TIAM2: variants seen among roughly 807,000 people sequenced by gnomAD.
TIAM2 encodes TIAM Rac1 associated GEF 2.
A neutral mutation model predicts 152.9 loss-of-function variants in TIAM2; 80 were observed. The observed-to-expected ratio is 0.52, with a 90% CI of 0.44 to 0.63. The LOEUF is 0.63. Ranked by LOEUF, TIAM2 falls within the 30% of genes least tolerant of loss-of-function variation. TIAM2 has a pLI of 0.00. For synonymous variants in TIAM2, 804 were observed against 838.0 expected, an observed-to-expected ratio of 0.96 and a Z score of 0.70; for missense variants, 1,965 against 2,120.1, an observed-to-expected ratio of 0.93 and a Z score of 1.44.
At chr6:155,243,598 G>A (rs1174099759) in intron 16 of TIAM2, among the ~76,000 whole-genome samples, 1 of 152,130 alleles carries the variant, frequency 6.6e-6, no homozygotes, top group Non-Finnish European at 1.5e-5. Flanking sequence ...TGTAATGCTA[G>A]CACTTTGGGA....
chr6:155,059,288 GTGTGTC>G (rs1212286471), intron 1 of TIAM2, among the ~76,000 whole-genome samples: 98 of 64,704 alleles, frequency 1.5e-3, no homozygotes, highest in African/African-American at 4.2e-3. Flanking sequence ...CTTTCTGTGT[GTGTGTC>G]TGTGTGTGTG....
At chr6:155,190,394 A>G (rs1781168407) in intron 14 of TIAM2, among the ~76,000 whole-genome samples, 1 of 152,230 alleles carries the variant, frequency 6.6e-6, no homozygotes, top group Admixed American at 6.5e-5. Context: ...CTTCCTCAGC[A>G]CTGGGAAGCC....
chr6:155,209,301 T>C (rs1047292580), intron 14 of TIAM2, among the ~76,000 whole-genome samples: 2 of 152,082 alleles, frequency 1.3e-5, no homozygotes, highest in Non-Finnish European at 2.9e-5. Flanking sequence ...TCAAGAAGTA[T>C]GTGTTGAGCG....
At position 155,100,710 on chromosome 6, in the gene TIAM2, G is replaced by C. The variant is rs114777439; in HGVS notation, c.-118+10331G>C. Among the ~76,000 whole-genome samples, 476 of 152,254 alleles carry C rather than the reference G, an allele frequency of 3.1e-3. 2 individuals are homozygous for C. The highest frequency in any genetic ancestry group is 0.011 in the African/African-American group (459 of 41,548). Reference sequence around the variant, plus strand: ...CCTTGTGGAATTAACATTCTAAGAGGCAGACCTTATGTTAAACAATTTACA... The same window carrying C: ...CCTTGTGGAATTAACATTCTAAGAGCCAGACCTTATGTTAAACAATTTACA... On this transcript the variant is annotated intron_variant, in intron 2 of 26. Transcript: ENST00000682666.
chr6:155,163,278 G>T (rs77807823), intron 7 of TIAM2, among the ~76,000 whole-genome samples: 1 of 152,152 alleles, frequency 6.6e-6, no homozygotes, highest in Non-Finnish European at 1.5e-5. Context: ...TTGAGATTGC[G>T]CTCAACAGCT....
intron 1 of TIAM2, among the ~76,000 whole-genome samples, chr6:155,079,058 GT>G (rs1554228688): frequency 6.6e-6 from 1 of 150,832 alleles, no homozygotes; most frequent in South Asian, 2.1e-4. Flanking sequence ...GTTTATCTTT[GT>G]TTTTTTGTTT....
intron 2 of TIAM2, among the ~76,000 whole-genome samples, chr6:155,118,182 T>A (rs4870355): frequency 1.3e-5 from 2 of 151,834 alleles, no homozygotes; most frequent in Non-Finnish European, 2.9e-5. Flanking sequence ...TCCCTCAGCC[T>A]GCCTTTTCCC....
rs140011443 is a variant in TIAM2 at position 155,137,326 on chromosome 6, G to A, written c.1344G>A (p.Ala448=). 1.7e-5 allele frequency: 28 copies of A among 1,614,060 alleles called. No individual in the cohort carries two copies. Among genetic ancestry groups the A allele is most frequent in the African/African-American group, 5.3e-5 (4 of 74,922 alleles). The part of the protein sequence containing the change: ...ILSQRSESTH[A]IGSDPLRQNI... ...CTCAGAGAAGTGAATCCACACATGCGATTGGCAGCGATCCCCTCCGGCAGA... is the reference window on the plus strand; with the variant it reads ...CTCAGAGAAGTGAATCCACACATGCAATTGGCAGCGATCCCCTCCGGCAGA... Residue 448 remains alanine, a synonymous_variant, in exon 5 of 27, where the codon GCG becomes GCA. Coordinates refer to ENST00000682666, the MANE Select transcript of TIAM2 (RefSeq NM_012454.4).
At chr6:155,074,897 A>G (rs1338246688) in intron 1 of TIAM2, among the ~76,000 whole-genome samples, 3 of 146,710 alleles carry the variant, frequency 2.0e-5, no homozygotes, top group Non-Finnish European at 3.0e-5. Flanking sequence ...GATTGTCAGT[A>G]GAGGTGGAGA....
intron 1 of TIAM2, among the ~76,000 whole-genome samples, chr6:155,010,227 T>C (rs988530080): frequency 3.3e-5 from 5 of 152,130 alleles, no homozygotes; most frequent in African/African-American, 1.2e-4. Context: ...CCTTTTGATA[T>C]AAGAAGCTAT....
intron 4 of TIAM2, among the ~76,000 whole-genome samples, chr6:155,133,985 G>A (rs570764489): frequency 6.6e-6 from 1 of 152,246 alleles, no homozygotes; most frequent in South Asian, 2.1e-4. Context: ...CCAAAGTGCT[G>A]GGATAACAGG....
intron 2 of TIAM2, among the ~76,000 whole-genome samples, chr6:155,120,777 C>T (rs1001067364): frequency 1.3e-5 from 2 of 152,102 alleles, no homozygotes; most frequent in Admixed American, 6.6e-5. Context: ...CAGTAGTATC[C>T]CCCTAGCCTT....
At chr6:155,153,173 T>A (rs1402536025) in intron 7 of TIAM2, among the ~76,000 whole-genome samples, 2 of 152,120 alleles carry the variant, frequency 1.3e-5, no homozygotes, top group East Asian at 1.9e-4. Flanking sequence ...CCCCTCCCCA[T>A]AGCCCAGGCC....
chr6:155,198,853 T>C (rs953559588), intron 14 of TIAM2, among the ~76,000 whole-genome samples: 2 of 151,902 alleles, frequency 1.3e-5, no homozygotes, highest in African/African-American at 4.8e-5. Context: ...CAGTGGCACA[T>C]GTGTGGAGGG....
chr6:155,185,619 ACTGTCTAATC>A (rs1391242970), intron 14 of TIAM2, among the ~76,000 whole-genome samples: 1 of 151,896 alleles, frequency 6.6e-6, no homozygotes, highest in Non-Finnish European at 1.5e-5. Flanking sequence ...AGCCATTCGG[ACTGTCTAATC>A]CTTTACAACC....
intron 9 of TIAM2, among the ~76,000 whole-genome samples, chr6:155,171,114 T>C (rs1172771615): frequency 1.3e-5 from 2 of 152,246 alleles, no homozygotes; most frequent in Non-Finnish European, 2.9e-5. Context: ...CGCCCATTTC[T>C]ATAACACAGA....
rs1277663542 is a variant in TIAM2, at chr6:155,110,956, C to T, written c.-117-16534C>T. Among the ~76,000 whole-genome samples, 4 of 152,146 alleles carry T rather than the reference C, an allele frequency of 2.6e-5. No individual in the cohort carries two copies. In the East Asian group the frequency reaches 5.8e-4, roughly 22 times the overall value. ...GAATAATCCTTATCCTGCCTTTGTG[C>T]TTGACCCTGACCCATCTCTATAGTC... On this transcript the variant is annotated intron_variant, in intron 2 of 26. Coordinates refer to ENST00000682666, the MANE Select transcript of TIAM2 (RefSeq NM_012454.4).
At chr6:155,008,215 C>T (rs1778430429) in intron 1 of TIAM2, among the ~76,000 whole-genome samples, 1 of 152,086 alleles carries the variant, frequency 6.6e-6, no homozygotes, top group Admixed American at 6.6e-5. Context: ...GATAATATGA[C>T]ACACTTGAAA....
intron 1 of TIAM2, among the ~76,000 whole-genome samples, chr6:155,019,052 T>A (rs1286948160): frequency 5.1e-4 from 69 of 134,870 alleles, no homozygotes; most frequent in African/African-American, 1.6e-3. Context: ...AAAAAAAAAA[T>A]AGGCTGGGCA....
Sources: gnomAD v4.1 joint callset for allele counts (sites outside exome capture counted in the v4.1 genomes callset) on GRCh38, gnomAD v4.1.1 for gene constraint, MANE v1.5 for transcripts, NCBI Gene and HGNC (gene_info 2026-07-23, HGNC 2026-07-21) for gene names.